IL15: variants seen among roughly 807,000 people sequenced by gnomAD.
The protein encoded by IL15 is interleukin-15.
A neutral mutation model predicts 19.6 loss-of-function variants in IL15; 11 were observed. The ratio of observed to expected loss-of-function variants is 0.56; its 90% CI spans 0.35 to 0.93. IL15 has a LOEUF of 0.93. Among genes scored for constraint, IL15 ranks in the 40% least tolerant of loss-of-function variants. The probability of loss-of-function intolerance (pLI) is 0.01; values close to 1 mark genes in which losing one functional copy is unlikely to be tolerated. For missense variants in IL15, 197 were observed against 186.5 expected (o/e 1.06, Z -0.33); for synonymous variants, 58 against 59.6 (o/e 0.97, Z 0.12).
chr4:141,679,165 C>A (rs1015896278), intron 2 of IL15, among the ~76,000 whole-genome samples: 2 of 152,044 alleles, frequency 1.3e-5, no homozygotes, highest in African/African-American at 4.8e-5. Flanking sequence ...TACTCAATGA[C>A]TAAGTAATTT....
chr4:141,686,449 T>G (rs1728716486), intron 2 of IL15, among the ~76,000 whole-genome samples: 1 of 152,212 alleles, frequency 6.6e-6, no homozygotes, highest in Non-Finnish European at 1.5e-5. Context: ...TTAAAGAGCA[T>G]GAGCCCAGAA....
At chr4:141,713,421 A>G (rs1729773062) in intron 2 of IL15, among the ~76,000 whole-genome samples, 1 of 152,174 alleles carries the variant, frequency 6.6e-6, no homozygotes, top group Non-Finnish European at 1.5e-5. Context: ...AGCCATACCC[A>G]TTTGTTTATG....
Position 141,727,933 on chromosome 4 carries a change from CT to C in IL15, c.196-4del. 1 of 1,208,736 alleles carries C rather than the reference CT, an allele frequency of 8.3e-7. No individual in the cohort carries two copies. The highest frequency in any genetic ancestry group is 1.2e-6 in the Non-Finnish European group (1 of 833,752). 74.9% of individuals were successfully genotyped at this position (1,208,736 alleles called of 1,614,324 possible). A position where few individuals can be genotyped will look rare whatever the true frequency, so the allele number is the denominator to read the frequency against. On this transcript the variant is annotated splice_region_variant and splice_polypyrimidine_tract_variant and intron_variant, in intron 5 of 7. Transcript: ENST00000320650. ...TTTTAATATTGTCTAATTTTGTTTCCTTTCAGTCTATGCATATTGATGCTAC... is the reference window on the plus strand; with the variant it reads ...TTTTAATATTGTCTAATTTTGTTTCCTTCAGTCTATGCATATTGATGCTAC...
At chr4:141,663,238 G>T (rs76557836) in intron 2 of IL15, among the ~76,000 whole-genome samples, 1 of 152,096 alleles carries the variant, frequency 6.6e-6, no homozygotes, top group East Asian at 1.9e-4. Context: ...AATAAAATAA[G>T]AGTTAAAACA....
rs1013292163 is a variant in IL15, at chr4:141,721,911, G to T, written c.111-13G>T. 14 of 1,574,800 alleles carry T rather than the reference G, an allele frequency of 8.9e-6. No individual in the cohort carries two copies. The highest frequency in any genetic ancestry group is 1.2e-5 in the Non-Finnish European group (14 of 1,152,934). Reference sequence around the variant, plus strand: ...CTCCTTCAAAATGCTTTGCTCTATGGTTTTTCTTTCAGCTGTTTCAGTGCA... The same window carrying T: ...CTCCTTCAAAATGCTTTGCTCTATGTTTTTTCTTTCAGCTGTTTCAGTGCA... On this transcript the variant is annotated splice_polypyrimidine_tract_variant and intron_variant, in intron 4 of 7. Transcript: ENST00000320650.
intron 2 of IL15, among the ~76,000 whole-genome samples, chr4:141,666,273 G>A (rs1418285698): frequency 6.6e-6 from 1 of 151,902 alleles, no homozygotes; most frequent in Non-Finnish European, 1.5e-5. Context: ...CGGGCGTGGT[G>A]GCTCACGCCT....
chr4:141,703,796 G>A (rs553344725), intron 2 of IL15, among the ~76,000 whole-genome samples: 1 of 148,098 alleles, frequency 6.8e-6, no homozygotes, highest in East Asian at 2.0e-4. Flanking sequence ...TTTATTTCTA[G>A]GTATTCGATT....
At chr4:141,644,997 C>G (rs1727179584) in intron 1 of IL15, among the ~76,000 whole-genome samples, 1 of 152,042 alleles carries the variant, frequency 6.6e-6, no homozygotes, top group Non-Finnish European at 1.5e-5. Flanking sequence ...TCTTTCTTTT[C>G]TATGAGAAAT....
rs925610124 is a variant in IL15, at chr4:141,656,406, A to G, written c.-100+99A>G. On this transcript the variant is annotated intron_variant, in intron 2 of 7. Coordinates refer to ENST00000320650, the MANE Select transcript of IL15 (RefSeq NM_000585.5). ...AATGTGGCAAAACAGGTGAAGTTAT[A>G]TATACTCACAGCTTTTAAAATGAGC... 6 of 394,946 alleles carry G rather than the reference A, an allele frequency of 1.5e-5. No individual in the cohort carries two copies. The Admixed American group carries it at 2.6e-4, about 17-fold the overall frequency. 24.5% of individuals were successfully genotyped at this position (394,946 alleles called of 1,614,324 possible).
In IL15 at chr4:141,732,973, CAG is replaced by C; in HGVS notation, c.*127_*128del. On this transcript the variant is annotated 3_prime_UTR_variant, in exon 8 of 8. Transcript: ENST00000320650. Reference sequence around the variant, plus strand: ...CAAGTTTTTCTGTCAAGAAGATGATCAGACCTTGGATCAGATGAACTCTTAGA... The same window carrying C: ...CAAGTTTTTCTGTCAAGAAGATGATCACCTTGGATCAGATGAACTCTTAGA... 1 of 1,414,064 alleles carries C rather than the reference CAG, an allele frequency of 7.1e-7. No individual in the cohort carries two copies. Among genetic ancestry groups the C allele is most frequent in the Non-Finnish European group, 9.3e-7 (1 of 1,074,922 alleles). 87.6% of individuals were successfully genotyped at this position (1,414,064 alleles called of 1,614,324 possible).
chr4:141,638,646 T>G (rs528478948), intron 1 of IL15, among the ~76,000 whole-genome samples: 8 of 152,344 alleles, frequency 5.3e-5, no homozygotes, highest in African/African-American at 1.9e-4. Flanking sequence ...GTTTATAAAT[T>G]TCCTTGGGGG....
At chr4:141,677,699 A>T (rs529487564) in intron 2 of IL15, among the ~76,000 whole-genome samples, 1 of 152,146 alleles carries the variant, frequency 6.6e-6, no homozygotes, top group Non-Finnish European at 1.5e-5. Flanking sequence ...AAACCTTCTT[A>T]TGATTTGAGT....
chr4:141,717,397 G>C (rs1230660440), intron 2 of IL15: 2 of 152,204 alleles, frequency 1.3e-5, no homozygotes, highest in Non-Finnish European at 2.9e-5. Flanking sequence ...CAGTTATGGA[G>C]GGAGTGAGTT....
chr4:141,684,678 C>T (rs1728651366), intron 2 of IL15, among the ~76,000 whole-genome samples: 2 of 152,188 alleles, frequency 1.3e-5, no homozygotes, highest in African/African-American at 4.8e-5. Context: ...TCTATTCAAA[C>T]TTTATCCACT....
intron 1 of IL15, among the ~76,000 whole-genome samples, chr4:141,639,830 T>C (rs1726984661): frequency 6.6e-6 from 1 of 152,178 alleles, no homozygotes; most frequent in South Asian, 2.1e-4. Context: ...CCTATAGGAA[T>C]GGGTTGGATG....
At chr4:141,694,366 GA>G (rs1400918372) in intron 2 of IL15, among the ~76,000 whole-genome samples, 3 of 152,192 alleles carry the variant, frequency 2.0e-5, no homozygotes, top group Non-Finnish European at 4.4e-5. Flanking sequence ...ATCATGAATT[GA>G]AAGTGAGCTT....
intron 1 of IL15, among the ~76,000 whole-genome samples, chr4:141,646,517 T>C (rs1727230277): frequency 6.6e-6 from 1 of 152,112 alleles, no homozygotes; most frequent in Non-Finnish European, 1.5e-5. Context: ...CCTTGACTGA[T>C]GTACTTCAAA....
chr4:141,684,829 C>G (rs1728657916), intron 2 of IL15, among the ~76,000 whole-genome samples: 1 of 152,172 alleles, frequency 6.6e-6, no homozygotes, highest in African/African-American at 2.4e-5. Flanking sequence ...GTTACAGATG[C>G]TGTCCTCACC....
intron 2 of IL15, among the ~76,000 whole-genome samples, chr4:141,711,263 T>A (rs1729708609): frequency 6.6e-6 from 1 of 152,164 alleles, no homozygotes; most frequent in Non-Finnish European, 1.5e-5. Context: ...GCAAGTTACA[T>A]CTTATGAAAT....
Sources: gnomAD v4.1 joint callset for allele counts (sites outside exome capture counted in the v4.1 genomes callset) on GRCh38, gnomAD v4.1.1 for gene constraint, MANE v1.5 for transcripts, NCBI Gene and HGNC (gene_info 2026-07-23, HGNC 2026-07-21) for gene names.